The following SULT1C3 variants were observed in gnomAD, a reference collection of about 807,000 sequenced individuals.
The protein encoded by SULT1C3 is sulfotransferase family 1C member 3.
A neutral mutation model predicts 28.4 loss-of-function variants in SULT1C3; 31 were observed. The observed-to-expected ratio is 1.09, with a 90% CI of 0.82 to 1.47. SULT1C3 has a LOEUF of 1.47. SULT1C3 is among the 40% of genes most tolerant of loss of function. The probability of loss-of-function intolerance (pLI) is 0.00; values close to 1 mark genes in which losing one functional copy is unlikely to be tolerated. For missense variants in SULT1C3, 307 were observed against 272.5 expected, an observed-to-expected ratio of 1.13 and a Z score of -0.89; for synonymous variants, 106 against 92.2, an observed-to-expected ratio of 1.15 and a Z score of -0.86.
downstream of SULT1C3, among the ~76,000 whole-genome samples, chr2:108,263,541 G>C (rs1423494650): frequency 3.9e-5 from 6 of 152,192 alleles, no homozygotes. Context: ...TGCTGAGTGA[G>C]TGTCATTGTT....
At chr2:108,261,080 G>A (rs963290764), downstream of SULT1C3, among the ~76,000 whole-genome samples, 1 of 152,088 alleles carries the variant, frequency 6.6e-6, no homozygotes, top group African/African-American at 2.4e-5. Flanking sequence ...AGCTTGAAGT[G>A]TACATTCTAT....
chr2:108,255,421 C>T (rs1675842593), intron 4 of SULT1C3, 151 bp from the exon 5 acceptor site: 1 of 939,178 alleles, frequency 1.1e-6, no homozygotes, highest in Non-Finnish European at 1.5e-6. Flanking sequence ...GTCAAAAAGA[C>T]TCCATTTATT....
intron 5 of SULT1C3, among the ~76,000 whole-genome samples, chr2:108,256,788 C>G (rs1675878124): frequency 6.6e-6 from 1 of 152,114 alleles, no homozygotes; most frequent in Admixed American, 6.6e-5. Flanking sequence ...TCAAGCATGT[C>G]TCTCCAGTGA....
At chr2:108,248,677 A>G (rs990704300) in intron 2 of SULT1C3, among the ~76,000 whole-genome samples, 9 of 152,154 alleles carry the variant, frequency 5.9e-5, no homozygotes, top group South Asian at 4.1e-4. Context: ...ACTATTAGCC[A>G]TATAATTCCT....
At position 108,260,603 on chromosome 2, in the gene SULT1C3, G is replaced by C. The variant is rs753609938; in HGVS notation, c.838G>C (p.Ala280Pro). The C allele has an allele frequency of 1.9e-6, 1 of 513,010 alleles. No homozygotes were observed. The highest frequency in any genetic ancestry group is 3.9e-6 in the Non-Finnish European group (1 of 257,256). 31.8% of individuals were successfully genotyped at this position (513,010 alleles called of 1,614,324 possible). Reference sequence around the variant, plus strand: ...AGACTGGAAGAACCACTTTACTGTGGCTTTGAATGAGAACTTTGATAAGCA... The same window carrying C: ...AGACTGGAAGAACCACTTTACTGTGCCTTTGAATGAGAACTTTGATAAGCA... ...PGDWKNHFTV[A>P]LNENFDKHYE... Residue 280 changes from alanine (A) to proline (P), a missense_variant, in exon 8 of 8, where the codon GCT (alanine) becomes CCT (proline). Coordinates refer to ENST00000681802, the MANE Select transcript of SULT1C3 (RefSeq NM_001320878.2).
At chr2:108,243,049 T>A (rs563504347) in intron 1 of SULT1C3, among the ~76,000 whole-genome samples, 49 of 152,340 alleles carry the variant, frequency 3.2e-4, no homozygotes, top group South Asian at 6.2e-4. Context: ...TTTTGACTTT[T>A]CAATTTTACA....
At position 108,248,125 on chromosome 2, in the gene SULT1C3, G is replaced by A. The variant is rs939365448; in HGVS notation, c.172+759G>A. Reference sequence around the variant, plus strand: ...TGTATTAAATGTCTGTAAAAATAAAGCACACATAATAACAAAAAAATTGAT... The same window carrying A: ...TGTATTAAATGTCTGTAAAAATAAAACACACATAATAACAAAAAAATTGAT... On this transcript the variant is annotated intron_variant, in intron 2 of 7. Coordinates refer to ENST00000681802, the MANE Select transcript of SULT1C3 (RefSeq NM_001320878.2). Among the ~76,000 whole-genome samples, 6 of 152,040 alleles carry A rather than the reference G, an allele frequency of 3.9e-5. No individual in the cohort carries two copies. The East Asian group carries it at 1.2e-3, about 29-fold the overall frequency.
downstream of SULT1C3, among the ~76,000 whole-genome samples, chr2:108,262,241 C>A (rs368322252): frequency 6.6e-5 from 10 of 152,222 alleles, no homozygotes; most frequent in African/African-American, 2.2e-4. Flanking sequence ...ACATGAGAAT[C>A]CACAATGATT....
chr2:108,246,883 A>C (rs1675595170), intron 1 of SULT1C3, among the ~76,000 whole-genome samples: 1 of 152,208 alleles, frequency 6.6e-6, no homozygotes, highest in African/African-American at 2.4e-5. Context: ...AGCAGGAAAA[A>C]GACTATTTGG....
At chr2:108,241,686 G>A (rs1237581834) in intron 1 of SULT1C3, among the ~76,000 whole-genome samples, 3 of 152,296 alleles carry the variant, frequency 2.0e-5, no homozygotes, top group African/African-American at 7.2e-5. Flanking sequence ...CCAGCACTTT[G>A]GGAGGCCCAG....
intron 4 of SULT1C3, 115 bp downstream of exon 4, chr2:108,253,557 A>AT: frequency 1.9e-6 from 1 of 523,534 alleles, no homozygotes; most frequent in Non-Finnish European, 3.0e-6. Flanking sequence ...ATAATTTGCT[A>AT]TTTTTCTTAG....
downstream of SULT1C3, chr2:108,265,244 C>A (rs1297672982): frequency 6.2e-7 from 1 of 1,613,334 alleles, no homozygotes; most frequent in Admixed American, 1.7e-5. Flanking sequence ...TTCAGGGATG[C>A]CTGGAGACTG....
intron 5 of SULT1C3, 133 bp from the exon 6 acceptor site, chr2:108,258,601 G>A: frequency 1.6e-6 from 1 of 636,582 alleles, no homozygotes; most frequent in East Asian, 2.7e-5. Context: ...TTTATTACTA[G>A]AAAATTATTT....
intron 1 of SULT1C3, among the ~76,000 whole-genome samples, chr2:108,244,354 G>A (rs1412301883): frequency 6.6e-6 from 1 of 150,886 alleles, no homozygotes; most frequent in East Asian, 1.9e-4. Flanking sequence ...CAGGTTAAGG[G>A]GACATTATAA....
rs1421200338 is a variant in SULT1C3 at position 108,260,792 on chromosome 2, C to G, written c.*112C>G. The G allele has an allele frequency of 1.2e-5, 4 of 338,648 alleles. No individual in the cohort carries two copies. The East Asian group carries it at 3.0e-4, about 25-fold the overall frequency. The allele number at this position is 338,648 out of a possible 1,614,324, so 21.0% of individuals were successfully genotyped here. A position where few individuals can be genotyped will look rare whatever the true frequency, so the allele number is the denominator to read the frequency against. ...GAGCTTATGAGCTTCAGTCCATCTC[C>G]TATAGTGTGGCTAGTTTGCTATAAT... On this transcript the variant is annotated 3_prime_UTR_variant, in exon 8 of 8. Coordinates refer to ENST00000681802, the MANE Select transcript of SULT1C3 (RefSeq NM_001320878.2).
intron 5 of SULT1C3, among the ~76,000 whole-genome samples, chr2:108,257,383 A>ATATG (rs1558665780): frequency 6.6e-6 from 1 of 152,084 alleles, no homozygotes; most frequent in Non-Finnish European, 1.5e-5. Flanking sequence ...TATACATTAT[A>ATATG]TATGTACATT....
At chr2:108,260,898 C>T (rs537562860), downstream of SULT1C3, among the ~76,000 whole-genome samples, 10 of 152,278 alleles carry the variant, frequency 6.6e-5, no homozygotes, top group South Asian at 2.1e-3. Context: ...AGTCCGCCTA[C>T]ATGAGTTTTT....
intron 5 of SULT1C3, among the ~76,000 whole-genome samples, chr2:108,258,058 G>T (rs1015416088): frequency 6.6e-6 from 1 of 152,100 alleles, no homozygotes; most frequent in African/African-American, 2.4e-5. Context: ...GAATCTTCAA[G>T]TCCACTTAGC....
chr2:108,252,369 A>AAGT lies in SULT1C3; in HGVS notation c.178_179insGTA (p.Thr59_Thr60insSer). The stretch of plus-strand genomic sequence containing the variant: ...AACTATTTCAAATATTTTCAGGTAC[A>AAGT]ACATGGATGCATGAAATTTTAGACA... On this transcript the variant is annotated inframe_insertion, in exon 3 of 8. Transcript: ENST00000681802. The AAGT allele has an allele frequency of 6.2e-7, 1 of 1,608,062 alleles. No individual in the cohort carries two copies. Among genetic ancestry groups the AAGT allele is most frequent in the Non-Finnish European group, 8.5e-7 (1 of 1,177,044 alleles).
Sources: gnomAD v4.1 joint callset for allele counts (sites outside exome capture counted in the v4.1 genomes callset) on GRCh38, gnomAD v4.1.1 for gene constraint, MANE v1.5 for transcripts, NCBI Gene and HGNC (gene_info 2026-07-23, HGNC 2026-07-21) for gene names.